Variants in ADGRB3 observed in about 807,000 individuals in gnomAD.
ADGRB3 encodes the protein brain-specific angiogenesis inhibitor 3.
Under a neutral mutation model 193.4 loss-of-function variants are expected in ADGRB3, and 37 were observed. That is an observed-to-expected ratio of 0.19 (90% CI 0.15 to 0.25). ADGRB3 has a LOEUF of 0.25. ADGRB3 is among the 10% of genes least tolerant of loss of function. The probability of loss-of-function intolerance (pLI) is 1.00; values close to 1 mark genes in which losing one functional copy is unlikely to be tolerated. For missense variants in ADGRB3, 1,637 were observed against 1,852.9 expected (o/e 0.88, Z 2.14); for synonymous variants, 690 against 644.2 (o/e 1.07, Z -1.08).
Position 69,320,772 on chromosome 6 carries a change from T to C in ADGRB3, c.2815-4100T>C, listed in dbSNP as rs150197151. On this transcript the variant is annotated intron_variant, in intron 20 of 31. Transcript: ENST00000370598. ...TGATAGCTTTTAAGATTTTTCTCTT[T>C]ATTCTCTGTTTTCAAAGATTTCATC... Among the ~76,000 whole-genome samples, 253 of 151,436 alleles carry C rather than the reference T, an allele frequency of 1.7e-3. 1 individual carries two copies. The highest frequency in any genetic ancestry group is 6.8e-3 in the Middle Eastern group (2 of 292).
intron 3 of ADGRB3, among the ~76,000 whole-genome samples, chr6:68,734,007 A>G (rs1044206217): frequency 6.6e-6 from 1 of 151,976 alleles, no homozygotes; most frequent in Non-Finnish European, 1.5e-5. Context: ...TGCCTAAAAA[A>G]GTTTAAAAAT....
At chr6:68,754,393 A>G (rs1388629922) in intron 3 of ADGRB3, among the ~76,000 whole-genome samples, 3 of 152,136 alleles carry the variant, frequency 2.0e-5, no homozygotes, top group Admixed American at 6.5e-5. Context: ...CAAAAAGAAG[A>G]TAAACTTCCC....
At chr6:69,262,566 C>T (rs1715811805) in intron 20 of ADGRB3, among the ~76,000 whole-genome samples, 1 of 151,870 alleles carries the variant, frequency 6.6e-6, no homozygotes, top group Admixed American at 6.6e-5. Flanking sequence ...TCTCCAACCC[C>T]ATATGAAAAT....
At chr6:69,360,602 G>C (rs767973562) in intron 28 of ADGRB3, among the ~76,000 whole-genome samples, 8 of 151,914 alleles carry the variant, frequency 5.3e-5, no homozygotes, top group Non-Finnish European at 1.0e-4. Flanking sequence ...AGGGTACTAA[G>C]ATTTTTGAAA....
At chr6:69,021,300 G>C (rs1452247260) in intron 13 of ADGRB3, among the ~76,000 whole-genome samples, 1 of 151,866 alleles carries the variant, frequency 6.6e-6, no homozygotes, top group African/African-American at 2.4e-5. Context: ...TATATGTATA[G>C]CTGCCTCACT....
rs538740111 is a variant in ADGRB3 at position 68,861,484 on chromosome 6, C to A, written c.758-69075C>A. ...GGTGGAGGCAGGAGAATGGCGTGAACCCGGGAGGTGGAGCTTGCAGTGAGC... is the reference window on the plus strand; with the variant it reads ...GGTGGAGGCAGGAGAATGGCGTGAAACCGGGAGGTGGAGCTTGCAGTGAGC... On this transcript the variant is annotated intron_variant, in intron 3 of 31. Transcript: ENST00000370598. Among the ~76,000 whole-genome samples, 15 of 152,158 alleles carry A rather than the reference C, an allele frequency of 9.9e-5. No individual in the cohort carries two copies. The East Asian group carries it at 2.5e-3, about 26-fold the overall frequency.
intron 17 of ADGRB3, among the ~76,000 whole-genome samples, chr6:69,126,526 T>C (rs1161280497): frequency 6.6e-6 from 1 of 152,146 alleles, no homozygotes; most frequent in Admixed American, 6.5e-5. Flanking sequence ...TTCTGATATC[T>C]GAGGGCAAGA....
chr6:68,941,973 A>C (rs1429751876), intron 5 of ADGRB3, among the ~76,000 whole-genome samples: 2 of 151,112 alleles, frequency 1.3e-5, no homozygotes, highest in African/African-American at 4.8e-5. Context: ...TTTTCCCAAA[A>C]TTTTATGGGA....
At chr6:68,897,316 C>T (rs1010696505) in intron 3 of ADGRB3, among the ~76,000 whole-genome samples, 11 of 149,852 alleles carry the variant, frequency 7.3e-5, no homozygotes, top group African/African-American at 2.5e-4. Flanking sequence ...GCCATGACAG[C>T]GCCACTTGTA....
At chr6:69,224,203 G>A (rs1030904842) in intron 17 of ADGRB3, among the ~76,000 whole-genome samples, 1 of 151,996 alleles carries the variant, frequency 6.6e-6, no homozygotes. Context: ...AAAGCCATTA[G>A]AGTCAGGAAG....
At chr6:68,911,543 G>C (rs1766710629) in intron 3 of ADGRB3, among the ~76,000 whole-genome samples, 1 of 152,170 alleles carries the variant, frequency 6.6e-6, no homozygotes, top group African/African-American at 2.4e-5. Context: ...TATGCCCTCT[G>C]TCTATATAGG....
chr6:68,865,342 A>T (rs1013104231), intron 3 of ADGRB3, among the ~76,000 whole-genome samples: 1 of 152,116 alleles, frequency 6.6e-6, no homozygotes, highest in African/African-American at 2.4e-5. Context: ...CCAAGCACAA[A>T]CTTATCCAAG....
rs558259232 is a variant in ADGRB3 at position 69,249,052 on chromosome 6, A to T, written c.2814+9826A>T. Among the ~76,000 whole-genome samples, 48 of 152,230 alleles carry T rather than the reference A, an allele frequency of 3.2e-4. 2 individuals carry two copies. In the South Asian group the frequency reaches 7.7e-3, roughly 24 times the overall value. On this transcript the variant is annotated intron_variant, in intron 20 of 31. Transcript: ENST00000370598. The stretch of plus-strand genomic sequence containing the variant: ...GAGTGCAGTAGCGCGATCTTGGCTC[A>T]CTGAAACCTCCGCCTCCCGGGTTCA...
intron 17 of ADGRB3, among the ~76,000 whole-genome samples, chr6:69,219,505 A>G (rs1478735102): frequency 1.5e-4 from 21 of 141,032 alleles, no homozygotes; most frequent in African/African-American, 4.5e-4. Flanking sequence ...GTGTGTGTGT[A>G]TATAGGTATA....
intron 3 of ADGRB3, among the ~76,000 whole-genome samples, chr6:68,890,499 G>C (rs903423929): frequency 6.6e-6 from 1 of 152,180 alleles, no homozygotes; most frequent in Non-Finnish European, 1.5e-5. Context: ...AATCAAGAGA[G>C]AGTATTTCCT....
intron 17 of ADGRB3, among the ~76,000 whole-genome samples, chr6:69,121,372 A>G (rs1773681387): frequency 6.6e-6 from 1 of 152,204 alleles, no homozygotes; most frequent in African/African-American, 2.4e-5. Flanking sequence ...TTTTCTTAGT[A>G]CAGAACAAAA....
chr6:68,936,474 A>G lies in ADGRB3; in HGVS notation c.869-45A>G, dbSNP rs117904816. ...GTTTGGTATAATGCTTACTAGATGA[A>G]TACTTAAGACAGTATTTCATGTTTA... On this transcript the variant is annotated intron_variant, in intron 4 of 31. Transcript: ENST00000370598. 3.3e-3 allele frequency: 5,295 copies of G among 1,586,260 alleles called. 12 individuals are homozygous for G. The highest frequency in any genetic ancestry group is 4.2e-3 in the Non-Finnish European group (4,890 of 1,161,318).
intron 17 of ADGRB3, among the ~76,000 whole-genome samples, chr6:69,170,407 C>A (rs1050939871): frequency 1.3e-5 from 2 of 152,134 alleles, no homozygotes; most frequent in African/African-American, 4.8e-5. Flanking sequence ...TTGGCCCTTG[C>A]TATTTCTCCA....
At chr6:69,195,454 G>T (rs1347523927) in intron 17 of ADGRB3, among the ~76,000 whole-genome samples, 1 of 148,514 alleles carries the variant, frequency 6.7e-6, no homozygotes, top group Non-Finnish European at 1.5e-5. Context: ...GGGCCCAGGA[G>T]TTGGAGGCTG....
Sources: allele counts gnomAD v4.1 joint callset (sites outside exome capture counted in the v4.1 genomes callset), GRCh38; gene constraint gnomAD v4.1.1; transcripts MANE v1.5; gene names NCBI Gene and HGNC (gene_info 2026-07-23, HGNC 2026-07-21).